The following KCNT2 variants were observed in gnomAD, a reference collection of about 807,000 sequenced individuals.
KCNT2 encodes the protein potassium sodium-activated channel subfamily T member 2.
Under a neutral mutation model 153.8 loss-of-function variants are expected in KCNT2, and 67 were observed. The observed-to-expected ratio is 0.44, with a 90% CI of 0.36 to 0.53. KCNT2 has a LOEUF of 0.53. Ranked by LOEUF, KCNT2 falls within the 20% of genes least tolerant of loss-of-function variation. The pLI, the probability that KCNT2 is intolerant of heterozygous loss-of-function variation, is 0.00. For missense variants in KCNT2, 975 were observed against 1,354.8 expected (o/e 0.72, Z 4.40); for synonymous variants, 500 against 458.8 (o/e 1.09, Z -1.15).
At chr1:196,420,406 C>A (rs953795064) in intron 12 of KCNT2, among the ~76,000 whole-genome samples, 1 of 151,376 alleles carries the variant, frequency 6.6e-6, no homozygotes, top group African/African-American at 2.4e-5. Context: ...CCTTCTTGTT[C>A]TTGTTAGAAA....
At chr1:196,234,621 A>C (rs930413413) in intron 27 of KCNT2, among the ~76,000 whole-genome samples, 1 of 151,414 alleles carries the variant, frequency 6.6e-6, no homozygotes, top group Non-Finnish European at 1.5e-5. Flanking sequence ...TTTTAAAAAA[A>C]TCATACCCTT....
chr1:196,254,320 GA>G (rs141194704), intron 26 of KCNT2, among the ~76,000 whole-genome samples: 1 of 151,304 alleles, frequency 6.6e-6, no homozygotes, highest in East Asian at 1.9e-4. Flanking sequence ...ATTTTCTGGG[GA>G]AAATACACAC....
chr1:196,409,410 G>A (rs6428341), intron 12 of KCNT2, among the ~76,000 whole-genome samples: 146,668 of 151,572 alleles, frequency 0.97, 71,161 homozygotes, highest in East Asian at 1. Context: ...GAATCTCACT[G>A]CAGTATATTT....
At chr1:196,340,302 GA>G (rs1665492954) in intron 16 of KCNT2, 38 bp downstream of exon 16, 1 of 1,150,130 alleles carries the variant, frequency 8.7e-7, no homozygotes, top group Non-Finnish European at 1.2e-6. Flanking sequence ...TTTTATTTTA[GA>G]AATAAATTAA....
intron 20 of KCNT2, 137 bp downstream of exon 20, chr1:196,319,347 T>G (rs1372122181): frequency 3.6e-5 from 17 of 476,816 alleles, no homozygotes; most frequent in Non-Finnish European, 6.5e-5. Context: ...CACGAGAACA[T>G]AAGCTCTACA....
At chr1:196,468,334 T>C (rs1677788617) in intron 6 of KCNT2, among the ~76,000 whole-genome samples, 2 of 152,122 alleles carry the variant, frequency 1.3e-5, no homozygotes, top group South Asian at 4.1e-4. Context: ...AAGTAATATC[T>C]ACTTATTTTC....
chr1:196,527,108 T>G (rs1171714122), intron 1 of KCNT2, among the ~76,000 whole-genome samples: 1 of 152,186 alleles, frequency 6.6e-6, no homozygotes, highest in Non-Finnish European at 1.5e-5. Context: ...ATGCCAAAAC[T>G]GTGCCCCCAC....
intron 27 of KCNT2, among the ~76,000 whole-genome samples, 156 bp downstream of exon 27, chr1:196,235,830 C>A (rs1654385621): frequency 6.6e-6 from 1 of 151,372 alleles, no homozygotes; most frequent in South Asian, 2.1e-4. Context: ...TTGCACACAA[C>A]ACATGAAATG....
chr1:196,391,979 T>C (rs1670532242), intron 13 of KCNT2, among the ~76,000 whole-genome samples: 1 of 151,372 alleles, frequency 6.6e-6, no homozygotes, highest in Non-Finnish European at 1.5e-5. Context: ...TTGATAACAT[T>C]TGCATATAAA....
intron 22 of KCNT2, among the ~76,000 whole-genome samples, chr1:196,290,211 A>G (rs1482287284): frequency 6.6e-6 from 1 of 151,988 alleles, no homozygotes; most frequent in African/African-American, 2.4e-5. Flanking sequence ...TGTAATTCCT[A>G]AATCTAGTGG....
intron 1 of KCNT2, among the ~76,000 whole-genome samples, chr1:196,560,831 T>C (rs1413664111): frequency 2.0e-5 from 3 of 151,938 alleles, no homozygotes; most frequent in South Asian, 4.1e-4. Flanking sequence ...CTTTAAAACA[T>C]TTATATAAAG....
At chr1:196,475,502 C>A (rs1678453600) in intron 5 of KCNT2, among the ~76,000 whole-genome samples, 1 of 151,906 alleles carries the variant, frequency 6.6e-6, no homozygotes, top group Non-Finnish European at 1.5e-5. Context: ...CACCTGCAGT[C>A]CCAAGCCACT....
At chr1:196,396,281 T>A (rs746697814) in intron 13 of KCNT2, among the ~76,000 whole-genome samples, 8 of 151,724 alleles carry the variant, frequency 5.3e-5, no homozygotes, top group Non-Finnish European at 1.2e-4. Context: ...CTTCTGTTGT[T>A]ACACAGTGTA....
chr1:196,338,544 T>C (rs1237253592), intron 16 of KCNT2, among the ~76,000 whole-genome samples: 1 of 152,062 alleles, frequency 6.6e-6, no homozygotes, highest in Non-Finnish European at 1.5e-5. Context: ...ACAAGAACTT[T>C]TGGTTATCCT....
chr1:196,336,995 G>T lies in KCNT2; in HGVS notation c.1784-2935C>A, dbSNP rs148631502. 2.0e-3 allele frequency among the ~76,000 whole-genome samples: 280 copies of T among 137,598 alleles called. 10 individuals are homozygous for T. The highest frequency in any genetic ancestry group is 0.015 in the Admixed American group (219 of 14,166). The allele number at this position is 137,598 out of a possible 152,430, so 90.3% of individuals were successfully genotyped here. ...TCCTGCCTGTACTCATTTCCTCAAA[G>T]ACTTCATTTGGTCTTATGGCTTTAA... is the stretch of plus-strand genomic sequence containing the variant. On this transcript the variant is annotated intron_variant, in intron 16 of 27. Transcript: ENST00000294725.
At chr1:196,378,879 A>G (rs1306606133) in intron 13 of KCNT2, among the ~76,000 whole-genome samples, 1 of 149,840 alleles carries the variant, frequency 6.7e-6, no homozygotes, top group Non-Finnish European at 1.5e-5. Context: ...GACTAGAACC[A>G]TCGCTAAAAC....
intron 18 of KCNT2, among the ~76,000 whole-genome samples, chr1:196,329,950 CATATATATATATATATATAT>C (rs71154737): frequency 1.4e-5 from 1 of 73,540 alleles, no homozygotes; most frequent in Admixed American, 1.5e-4. Context: ...TTCCTCAAGA[CATATATATATATATATATAT>C]ATATATATAT....
chr1:196,404,091 A>G, intron 12 of KCNT2: 7 of 875,608 alleles, frequency 8.0e-6, no homozygotes, highest in Non-Finnish European at 8.2e-6. Context: ...AAAAGAAAAT[A>G]CTAATAGATA....
chr1:196,378,596 G>T (rs1334594012), intron 13 of KCNT2, among the ~76,000 whole-genome samples: 2 of 151,240 alleles, frequency 1.3e-5, no homozygotes, highest in Admixed American at 1.3e-4. Flanking sequence ...TGAATACTGG[G>T]GGAGAGAGTA....
Sources: allele counts gnomAD v4.1 joint callset (sites outside exome capture counted in the v4.1 genomes callset), GRCh38; gene constraint gnomAD v4.1.1; transcripts MANE v1.5; gene names NCBI Gene and HGNC (gene_info 2026-07-23, HGNC 2026-07-21).